Variants in NRG1 observed in about 807,000 individuals in gnomAD.
NRG1 encodes the protein pro-neuregulin-1, membrane-bound isoform.
Under a neutral mutation model 63.8 loss-of-function variants are expected in NRG1, and 18 were observed. The ratio of observed to expected loss-of-function variants is 0.28; its 90% CI spans 0.19 to 0.42. NRG1 has a LOEUF of 0.42. NRG1 is among the 10% of genes least tolerant of loss of function. The probability of loss-of-function intolerance (pLI) is 1.00; values close to 1 mark genes in which losing one functional copy is unlikely to be tolerated. For missense variants in NRG1, 762 were observed against 814.7 expected (o/e 0.94, Z 0.79); for synonymous variants, 302 against 301.3 (o/e 1.00, Z -0.02).
chr8:32,748,358 C>CAGAGAGAGAGAGAGAGAGAG (rs34657847), intron 7 of NRG1, among the ~76,000 whole-genome samples: 3 of 121,962 alleles, frequency 2.5e-5, no homozygotes, highest in South Asian at 3.1e-4. Context: ...CACACACACA[C>CAGAGAGAGAGAGAGAGAGAG]AGAGAGAGAG....
chr8:31,880,659 A>G (rs1326213806), intron 1 of NRG1, among the ~76,000 whole-genome samples: 1 of 152,212 alleles, frequency 6.6e-6, no homozygotes, highest in Non-Finnish European at 1.5e-5. Flanking sequence ...TCATCCACAC[A>G]AAGTTAGGCA....
chr8:31,655,845 T>G (rs1245882822), intron 1 of NRG1, among the ~76,000 whole-genome samples: 1 of 152,190 alleles, frequency 6.6e-6, no homozygotes, highest in African/African-American at 2.4e-5. Flanking sequence ...CTTTTAGCCT[T>G]GGCTGTGATG....
intron 1 of NRG1, among the ~76,000 whole-genome samples, chr8:31,977,756 T>G (rs756283537): frequency 1.3e-5 from 2 of 152,166 alleles, no homozygotes; most frequent in African/African-American, 4.8e-5. Flanking sequence ...TCAAAGTCTT[T>G]CACCAGGTAT....
At chr8:32,274,487 G>C (rs1231672851) in intron 1 of NRG1, among the ~76,000 whole-genome samples, 1 of 152,168 alleles carries the variant, frequency 6.6e-6, no homozygotes, top group Non-Finnish European at 1.5e-5. Flanking sequence ...CACATGAACT[G>C]TTCTTTAATC....
chr8:32,295,938 A>AG (rs1245257308), intron 1 of NRG1, among the ~76,000 whole-genome samples: 1 of 96,962 alleles, frequency 1.0e-5, no homozygotes, highest in Non-Finnish European at 2.1e-5. Context: ...CTAGGTCTCA[A>AG]GGAAAAAAAA....
chr8:32,730,592 T>C (rs976948940), intron 6 of NRG1, among the ~76,000 whole-genome samples: 17 of 152,210 alleles, frequency 1.1e-4, no homozygotes, highest in Non-Finnish European at 1.9e-4. Context: ...ACTAAAATAT[T>C]CAAATCTATA....
At chr8:31,834,838 C>G (rs1205286384) in intron 1 of NRG1, among the ~76,000 whole-genome samples, 1 of 152,190 alleles carries the variant, frequency 6.6e-6, no homozygotes, top group Non-Finnish European at 1.5e-5. Context: ...TTATCTTGCT[C>G]CTTCTCATTG....
intron 1 of NRG1, among the ~76,000 whole-genome samples, chr8:32,113,245 G>T (rs1172053887): frequency 2.6e-5 from 4 of 152,154 alleles, no homozygotes; most frequent in South Asian, 2.1e-4. Flanking sequence ...GCAGTAGTAG[G>T]AGACTGATGG....
chr8:32,102,348 G>A (rs1330524868), intron 1 of NRG1, among the ~76,000 whole-genome samples: 2 of 152,086 alleles, frequency 1.3e-5, no homozygotes, highest in Non-Finnish European at 2.9e-5. Flanking sequence ...ATGTTGCCCA[G>A]GCTGGTCTTG....
intron 1 of NRG1, among the ~76,000 whole-genome samples, chr8:32,434,214 T>C (rs188435072): frequency 3.4e-5 from 5 of 146,634 alleles, no homozygotes; most frequent in Admixed American, 2.1e-4. Context: ...TAAAATAAAA[T>C]AAAAAACTTA....
chr8:31,793,815 C>T (rs1820940553), intron 1 of NRG1, among the ~76,000 whole-genome samples: 1 of 152,172 alleles, frequency 6.6e-6, no homozygotes, highest in Non-Finnish European at 1.5e-5. Flanking sequence ...CACCATTTGT[C>T]AAGATACAAC....
intron 5 of NRG1, among the ~76,000 whole-genome samples, chr8:32,634,326 G>T (rs1850917633): frequency 6.6e-6 from 1 of 152,078 alleles, no homozygotes; most frequent in African/African-American, 2.4e-5. Flanking sequence ...TTAAAAAAAT[G>T]AAAGAGAGAA....
chr8:31,878,769 C>T (rs1830117840), intron 1 of NRG1, among the ~76,000 whole-genome samples: 1 of 152,188 alleles, frequency 6.6e-6, no homozygotes, highest in Non-Finnish European at 1.5e-5. Flanking sequence ...CAGACCTCAA[C>T]TTGTTGCTGT....
At chr8:32,195,885 T>C (rs975170164) in intron 1 of NRG1, among the ~76,000 whole-genome samples, 3 of 152,170 alleles carry the variant, frequency 2.0e-5, no homozygotes, top group Non-Finnish European at 4.4e-5. Context: ...GGAAGTGGGT[T>C]ACAGGATCCT....
rs1224252022 is a variant in NRG1 at position 31,705,791 on chromosome 8, A to G, written c.37+66360A>G. Among the ~76,000 whole-genome samples the G allele has an allele frequency of 3.3e-5, 5 of 152,196 alleles. No homozygotes were observed. In the South Asian group the frequency reaches 1.0e-3, roughly 31 times the overall value. On this transcript the variant is annotated intron_variant, in intron 1 of 10. Transcript: ENST00000519301. ...TCCACCACTGAAGCTATGTGTATTA[A>G]TATTCTATGCTTTCAGAAAGAAAAT...
intron 1 of NRG1, among the ~76,000 whole-genome samples, chr8:32,378,439 A>C (rs1252512399): frequency 6.6e-6 from 1 of 152,102 alleles, no homozygotes; most frequent in Non-Finnish European, 1.5e-5. Flanking sequence ...AAAAGCAATA[A>C]TACAGGATTA....
intron 5 of NRG1, among the ~76,000 whole-genome samples, chr8:32,709,028 G>A (rs1757344548): frequency 6.6e-6 from 1 of 152,186 alleles, no homozygotes; most frequent in African/African-American, 2.4e-5. Flanking sequence ...GGAAGAAAAT[G>A]TAAGAATGTT....
chr8:31,745,021 T>C (rs1485861227), intron 1 of NRG1, among the ~76,000 whole-genome samples: 1 of 152,004 alleles, frequency 6.6e-6, no homozygotes, highest in South Asian at 2.1e-4. Flanking sequence ...GGGACGATTA[T>C]GATATAACTA....
intron 1 of NRG1, among the ~76,000 whole-genome samples, chr8:31,671,826 A>G (rs1343062208): frequency 1.3e-5 from 2 of 152,156 alleles, no homozygotes; most frequent in Non-Finnish European, 2.9e-5. Context: ...AGATACGTAC[A>G]AAAGATGACT....
Sources: allele counts gnomAD v4.1 joint callset (sites outside exome capture counted in the v4.1 genomes callset), GRCh38; gene constraint gnomAD v4.1.1; transcripts MANE v1.5; gene names NCBI Gene and HGNC (gene_info 2026-07-23, HGNC 2026-07-21).